TCTN1: variants seen among roughly 807,000 people sequenced by gnomAD.
TCTN1 encodes the protein tectonic family member 1, also known as tectonic-1.
Under a neutral mutation model 65.8 loss-of-function variants are expected in TCTN1, and 58 were observed. The ratio of observed to expected loss-of-function variants is 0.88; its 90% confidence interval spans 0.71 to 1.10. The LOEUF is 1.10. Ranked by LOEUF, TCTN1 falls within the 50% of genes least tolerant of loss-of-function variation. TCTN1 has a pLI of 0.00. For synonymous variants in TCTN1, 273 were observed against 289.1 expected, an observed-to-expected ratio of 0.94 and a Z score of 0.57; for missense variants, 645 against 719.4, an observed-to-expected ratio of 0.90 and a Z score of 1.18.
At chr12:110,626,546 G>T (rs2065854085) in intron 3 of TCTN1, 54 bp downstream of exon 3, 1 of 1,548,938 alleles carries the variant, frequency 6.5e-7, no homozygotes, top group Non-Finnish European at 8.8e-7. Flanking sequence ...TTTTCTCAAA[G>T]TTATGGAAAA....
intron 11 of TCTN1, chr12:110,643,967 C>G (rs1333523351): frequency 6.6e-6 from 1 of 152,236 alleles, no homozygotes; most frequent in Non-Finnish European, 1.5e-5. Flanking sequence ...CCAGCACATC[C>G]AGCCACCATT....
At chr12:110,629,147 AG>A in intron 4 of TCTN1, 1 of 610,472 alleles carries the variant, frequency 1.6e-6, no homozygotes, top group Non-Finnish European at 2.9e-6. Flanking sequence ...AAACCCTAGA[AG>A]AAAACCCAGG....
intron 2 of TCTN1, among the ~76,000 whole-genome samples, chr12:110,622,231 C>T (rs1029635588): frequency 4.6e-5 from 7 of 152,268 alleles, no homozygotes; most frequent in Admixed American, 2.0e-4. Context: ...TTGACTTCCT[C>T]TACCATTAGT....
At chr12:110,623,961 T>C (rs1484126662) in intron 2 of TCTN1, among the ~76,000 whole-genome samples, 1 of 152,204 alleles carries the variant, frequency 6.6e-6, no homozygotes, top group Non-Finnish European at 1.5e-5. Flanking sequence ...AAGCCACTTA[T>C]AATATTGTAA....
In TCTN1 at chr12:110,647,312, T is replaced by G; in HGVS notation, c.1611T>G (p.Asn537Lys). Residue 537 changes from asparagine (N) to lysine (K), a missense_variant, in exon 13 of 15, where the codon AAT becomes AAG. Asn to Lys is a moderately conservative substitution (Grantham distance 94). Coordinates refer to ENST00000397659, the MANE Select transcript of TCTN1 (RefSeq NM_001082538.3). ...PQAKIVNVTA[N>K]LISSSFPEAN... Reference sequence around the variant, plus strand: ...CCAAAATAGTCAATGTAACTGCAAATCTAATTTCATCCTCCTTTCCTGAGG... The same window carrying G: ...CCAAAATAGTCAATGTAACTGCAAAGCTAATTTCATCCTCCTTTCCTGAGG... The G allele has an allele frequency of 5.0e-6, 8 of 1,614,200 alleles. No individual in the cohort carries two copies. The highest frequency in any genetic ancestry group is 6.8e-6 in the Non-Finnish European group (8 of 1,180,040).
At chr12:110,631,288 G>A (rs1022558573) in intron 4 of TCTN1, among the ~76,000 whole-genome samples, 25 of 488 alleles carry the variant, frequency 0.051, no homozygotes, top group Admixed American at 0.23. Context: ...GCCTCCCAAA[G>A]TGCTGGGATT....
rs2066903774 is a variant in TCTN1, at chr12:110,640,819, T to C, written c.979-205T>C. On this transcript the variant is annotated intron_variant, in intron 8 of 14. Transcript: ENST00000397659. The surrounding 1 kb of genome is among the most constrained non-coding windows in gnomAD (Gnocchi z 4.9). ...TGGACCAGCTTATGTGGAACTTCTG[T>C]AATTGGGCAGAGTGGCTCAGATGAC... Among the ~76,000 whole-genome samples the C allele has an allele frequency of 6.6e-6, 1 of 152,194 alleles. No individual in the cohort carries two copies. The highest frequency in any genetic ancestry group is 1.5e-5 in the Non-Finnish European group (1 of 68,040).
intron 5 of TCTN1, chr12:110,634,322 T>C (rs1329281122): frequency 2.2e-6 from 1 of 454,682 alleles, no homozygotes; most frequent in Non-Finnish European, 4.4e-6. Context: ...GATTTACTCA[T>C]TATCTTTTTG....
chr12:110,632,698 G>A (rs968049547), intron 5 of TCTN1, 139 bp downstream of exon 5: 1 of 831,372 alleles, frequency 1.2e-6, no homozygotes, highest in African/African-American at 1.7e-5. Flanking sequence ...CTTTACATTT[G>A]TAGTAGTCAT....
rs1195509623 is a variant in TCTN1, at chr12:110,639,450, G to T, written c.844-933G>T. 6.6e-6 allele frequency among the ~76,000 whole-genome samples: 1 copy of T among 152,040 alleles called. No individual in the cohort carries two copies. The highest frequency in any genetic ancestry group is 2.4e-5 in the African/African-American group (1 of 41,378). On this transcript the variant is annotated intron_variant, in intron 7 of 14. Transcript: ENST00000397659. This position sits in a 1 kb window ranked among gnomAD's most constrained non-coding sequence, Gnocchi z 4.9. ...CCCAGAGAAACCACTGTGTGTGTGTGTGTGTGTGTGTATGTGTGTGTGAGC... is the reference window on the plus strand; with the variant it reads ...CCCAGAGAAACCACTGTGTGTGTGTTTGTGTGTGTGTATGTGTGTGTGAGC...
intron 10 of TCTN1, 67 bp from the exon 11 acceptor site, chr12:110,642,182 A>G: frequency 6.2e-7 from 1 of 1,606,960 alleles, no homozygotes; most frequent in Non-Finnish European, 8.5e-7. Flanking sequence ...CACAAGTGAC[A>G]CTGTCTTCTT....
chr12:110,624,468 C>T (rs1268579870), intron 2 of TCTN1, among the ~76,000 whole-genome samples: 2 of 152,072 alleles, frequency 1.3e-5, no homozygotes, highest in African/African-American at 2.4e-5. Context: ...CCTCAGCCTC[C>T]CAAAATGCTG....
chr12:110,639,803 G>A lies in TCTN1; in HGVS notation c.844-580G>A, dbSNP rs1164467573. On this transcript the variant is annotated intron_variant, in intron 7 of 14. Coordinates refer to ENST00000397659, the MANE Select transcript of TCTN1 (RefSeq NM_001082538.3). The surrounding 1 kb of genome is among the most constrained non-coding windows in gnomAD (Gnocchi z 4.9). ...CCATCACCCCAAAAAGGAGCCTTGT[G>A]TTAGCAGTCACTCCTCATTCTTCCC... Among the ~76,000 whole-genome samples the A allele has an allele frequency of 5.3e-5, 8 of 152,164 alleles. No individual in the cohort carries two copies. The highest frequency in any genetic ancestry group is 8.8e-5 in the Non-Finnish European group (6 of 68,028).
intron 5 of TCTN1, among the ~76,000 whole-genome samples, chr12:110,633,509 C>T (rs916806526): frequency 1.3e-5 from 2 of 151,892 alleles, no homozygotes; most frequent in Non-Finnish European, 2.9e-5. Context: ...TAGTGGTGCA[C>T]ATCTGTAGTT....
chr12:110,642,316 G>T lies in TCTN1; in HGVS notation c.1258G>T (p.Asp420Tyr). ...TATTCTTCATAGCACAACTGAGCAA[G>T]ACTGCTTAGCACTGGAGGGGGTCCG... ...LTILHSTTEQDCLALEGVRTP... is the reference protein window; with the variant it reads ...LTILHSTTEQYCLALEGVRTP... Residue 420 changes from aspartate (D) to tyrosine (Y), a missense_variant, in exon 11 of 15, where the codon GAC (aspartate) becomes TAC (tyrosine). Transcript: ENST00000397659. The T allele has an allele frequency of 6.2e-7, 1 of 1,614,232 alleles. No homozygotes were observed. The highest frequency in any genetic ancestry group is 8.5e-7 in the Non-Finnish European group (1 of 1,180,046).
chr12:110,649,335 A>AG lies in TCTN1; in HGVS notation c.*298dup. ...CAAACCTCTCACCAAGCGGCCCAGG[A>AG]GGGGCAGCTGTTCCTCTCGTGACAG... On this transcript the variant is annotated 3_prime_UTR_variant, in exon 15 of 15. Coordinates refer to ENST00000397659, the MANE Select transcript of TCTN1 (RefSeq NM_001082538.3). 8.3e-7 allele frequency: 1 copy of AG among 1,209,564 alleles called. No homozygotes were observed. Among genetic ancestry groups the AG allele is most frequent in the Non-Finnish European group, 1.2e-6 (1 of 825,192 alleles). 74.9% of individuals were successfully genotyped at this position (1,209,564 alleles called of 1,614,324 possible).
rs1323524594 is a variant in TCTN1, at chr12:110,641,164, T to C, written c.1104+15T>C. ...ATTTTCTTCAGGTAAGGTTGATCAATTTGGCATAAGTATTTAATTGCCAAG... is the reference window on the plus strand; with the variant it reads ...ATTTTCTTCAGGTAAGGTTGATCAACTTGGCATAAGTATTTAATTGCCAAG... On this transcript the variant is annotated intron_variant, in intron 9 of 14. Coordinates refer to ENST00000397659, the MANE Select transcript of TCTN1 (RefSeq NM_001082538.3). 1 of 1,614,112 alleles carries C rather than the reference T, an allele frequency of 6.2e-7. No individual in the cohort carries two copies. Among genetic ancestry groups the C allele is most frequent in the Non-Finnish European group, 8.5e-7 (1 of 1,180,046 alleles).
At chr12:110,630,632 C>A (rs536060425) in intron 4 of TCTN1, among the ~76,000 whole-genome samples, 5 of 152,276 alleles carry the variant, frequency 3.3e-5, no homozygotes, top group Admixed American at 6.5e-5. Context: ...ATTCATACTG[C>A]AAATCACTTT....
At chr12:110,634,638 T>C (rs933143404) in intron 5 of TCTN1, 32 bp from the exon 6 acceptor site, 6 of 1,545,140 alleles carry the variant, frequency 3.9e-6, no homozygotes, top group Non-Finnish European at 5.3e-6. Flanking sequence ...CTTTTGTATT[T>C]TTTTTTCCTT....
Sources: gnomAD v4.1 joint callset for allele counts (sites outside exome capture counted in the v4.1 genomes callset) on GRCh38, gnomAD v4.1.1 for gene constraint, Gnocchi (gnomAD v3.1) non-coding constraint, MANE v1.5 for transcripts, NCBI Gene and HGNC (gene_info 2026-07-23, HGNC 2026-07-21) for gene names.